Variants in TTC17 observed in about 807,000 individuals in gnomAD.
The protein encoded by TTC17 is tetratricopeptide repeat protein 17.
A neutral mutation model predicts 143.8 loss-of-function variants in TTC17; 58 were observed. The ratio of observed to expected loss-of-function variants is 0.40; its 90% CI spans 0.33 to 0.50. TTC17 has a LOEUF of 0.50. TTC17 is among the 20% of genes least tolerant of loss of function. The pLI is 0.49. For synonymous variants in TTC17, 501 were observed against 497.8 expected, an observed-to-expected ratio of 1.01 and a Z score of -0.09; for missense variants, 1,273 against 1,392.5, an observed-to-expected ratio of 0.91 and a Z score of 1.37.
intron 1 of TTC17, among the ~76,000 whole-genome samples, chr11:43,365,727 C>A (rs1228289196): frequency 6.6e-6 from 1 of 152,178 alleles, no homozygotes; most frequent in African/African-American, 2.4e-5. Context: ...TTCCAAGACA[C>A]CCAGAGTATC....
At chr11:43,454,626 A>C (rs1477860783) in intron 21 of TTC17, among the ~76,000 whole-genome samples, 1 of 152,148 alleles carries the variant, frequency 6.6e-6, no homozygotes, top group East Asian at 1.9e-4. Flanking sequence ...TAAAAATAAA[A>C]GAATGGATAA....
intron 21 of TTC17, among the ~76,000 whole-genome samples, chr11:43,481,294 A>T (rs536705799): frequency 2.8e-4 from 43 of 152,282 alleles, no homozygotes; most frequent in Non-Finnish European, 4.7e-4. Flanking sequence ...CTTCTCCATT[A>T]TGCATAAGTC....
At chr11:43,428,991 GT>G (rs1192368037) in intron 16 of TTC17, among the ~76,000 whole-genome samples, 1 of 152,128 alleles carries the variant, frequency 6.6e-6, no homozygotes, top group East Asian at 1.9e-4. Flanking sequence ...TCATTCAGCA[GT>G]AATTACTGAA....
chr11:43,402,205 CTAT>C (rs1857895871), intron 10 of TTC17, among the ~76,000 whole-genome samples: 3 of 151,888 alleles, frequency 2.0e-5, no homozygotes, highest in South Asian at 2.1e-4. Context: ...TAGAATTGGG[CTAT>C]TATTATTATT....
chr11:43,414,551 T>G, intron 15 of TTC17, 39 bp from the exon 16 acceptor site: 1 of 1,573,834 alleles, frequency 6.4e-7, no homozygotes, highest in Non-Finnish European at 8.6e-7. Flanking sequence ...CAGAAAATAT[T>G]AGTTCATTAA....
At chr11:43,438,849 T>A (rs1330281080) in intron 16 of TTC17, among the ~76,000 whole-genome samples, 1 of 152,240 alleles carries the variant, frequency 6.6e-6, no homozygotes, top group Non-Finnish European at 1.5e-5. Context: ...CTTCTGATAT[T>A]CCACTCCCTC....
At chr11:43,486,358 C>G (rs1300112228) in intron 21 of TTC17, 1 of 431,790 alleles carries the variant, frequency 2.3e-6, no homozygotes, top group Non-Finnish European at 4.7e-6. Context: ...CCCTGCCTGT[C>G]ATTATCAGAT....
At chr11:43,373,217 G>T (rs1856636386) in intron 1 of TTC17, among the ~76,000 whole-genome samples, 1 of 151,976 alleles carries the variant, frequency 6.6e-6, no homozygotes, top group African/African-American at 2.4e-5. Flanking sequence ...GTAGCTTAAG[G>T]ATAAAGAGGG....
At chr11:43,405,758 T>C (rs1363429745) in intron 12 of TTC17, 28 bp from the exon 13 acceptor site, 9 of 1,612,732 alleles carry the variant, frequency 5.6e-6, no homozygotes, top group Admixed American at 1.7e-5. Context: ...TTTGAAAATA[T>C]GAATCTTGTT....
intron 1 of TTC17, among the ~76,000 whole-genome samples, chr11:43,368,875 G>A (rs1446222378): frequency 6.6e-6 from 1 of 152,178 alleles, no homozygotes; most frequent in Non-Finnish European, 1.5e-5. Context: ...TCTTTCTTGT[G>A]TGGTGTGGTG....
intron 8 of TTC17, among the ~76,000 whole-genome samples, chr11:43,398,908 G>T (rs1857729175): frequency 6.6e-6 from 1 of 152,128 alleles, no homozygotes; most frequent in Admixed American, 6.6e-5. Flanking sequence ...ATTCATAACT[G>T]GTTTCTGTTA....
intron 10 of TTC17, among the ~76,000 whole-genome samples, chr11:43,402,258 T>TAAGACCTATTTAAAATTTGAGAGC (rs1554988365): frequency 1.3e-5 from 2 of 152,072 alleles, no homozygotes; most frequent in Non-Finnish European, 2.9e-5. Flanking sequence ...CCTTTTAGAG[T>TAAGACCTATTTAAAATTTGAGAGC]AAGACCTATT....
At chr11:43,389,390 C>T (rs911349575) in intron 2 of TTC17, among the ~76,000 whole-genome samples, 9 of 152,140 alleles carry the variant, frequency 5.9e-5, no homozygotes, top group Non-Finnish European at 2.9e-5. Flanking sequence ...AGTAGATGTG[C>T]TTCGTGGGTA....
rs1175641748 is a variant in TTC17 at position 43,398,162 on chromosome 11, A to C, written c.1058+49A>C. The C allele has an allele frequency of 3.7e-6, 6 of 1,605,690 alleles. No homozygotes were observed. The South Asian group carries it at 4.4e-5, about 12-fold the overall frequency. ...TCAAGCATTAGCACTATCGAACCTTAGGTTAAATCTGTGTAGGGGATATCA... is the reference window on the plus strand; with the variant it reads ...TCAAGCATTAGCACTATCGAACCTTCGGTTAAATCTGTGTAGGGGATATCA... On this transcript the variant is annotated intron_variant, in intron 8 of 23. Coordinates refer to ENST00000039989, the MANE Select transcript of TTC17 (RefSeq NM_018259.6).
chr11:43,420,926 A>G (rs1417616551), intron 16 of TTC17, among the ~76,000 whole-genome samples: 1 of 152,238 alleles, frequency 6.6e-6, no homozygotes, highest in Non-Finnish European at 1.5e-5. Flanking sequence ...ATAATCTTCT[A>G]AAGCAACAAT....
intron 1 of TTC17, among the ~76,000 whole-genome samples, chr11:43,371,608 C>T (rs530679394): frequency 3.9e-5 from 6 of 152,172 alleles, no homozygotes; most frequent in Non-Finnish European, 8.8e-5. Context: ...GGCTTTATTA[C>T]ATGGGCATGA....
intron 6 of TTC17, 80 bp downstream of exon 6, chr11:43,396,898 G>A: frequency 1.4e-6 from 1 of 709,166 alleles, no homozygotes; most frequent in African/African-American, 1.8e-5. Flanking sequence ...AAAGCAGTAA[G>A]AAGCAACATT....
In TTC17 at chr11:43,404,502, C is replaced by T. The variant is rs565528038; in HGVS notation, c.1479+358C>T. Reference sequence around the variant, plus strand: ...TTTTATTGAACTCCCACCTGTGTGCCAGGCTAATGCTGGCAGTATAATAGA... The same window carrying T: ...TTTTATTGAACTCCCACCTGTGTGCTAGGCTAATGCTGGCAGTATAATAGA... On this transcript the variant is annotated intron_variant, in intron 11 of 23. Transcript: ENST00000039989. Among the ~76,000 whole-genome samples the T allele has an allele frequency of 3.9e-5, 6 of 152,258 alleles. No individual in the cohort carries two copies. In the East Asian group the frequency reaches 1.2e-3, roughly 29 times the overall value.
intron 21 of TTC17, among the ~76,000 whole-genome samples, chr11:43,480,216 A>T (rs963362158): frequency 1.3e-5 from 2 of 152,220 alleles, no homozygotes; most frequent in Admixed American, 6.5e-5. Flanking sequence ...GCAAATGGTT[A>T]GTAGAAGCTT....
Sources: gnomAD v4.1 joint callset for allele counts (sites outside exome capture counted in the v4.1 genomes callset) on GRCh38, gnomAD v4.1.1 for gene constraint, MANE v1.5 for transcripts, NCBI Gene and HGNC (gene_info 2026-07-23, HGNC 2026-07-21) for gene names.